The following RCAN1 variants were observed in gnomAD, a reference collection of about 807,000 sequenced individuals.
RCAN1 encodes the protein regulator of calcineurin 1.
In RCAN1, 11 loss-of-function variants were observed where a neutral mutation model predicts 22.9. The observed-to-expected ratio is 0.48, with a 90% CI of 0.30 to 0.79. The LOEUF is 0.79. Among genes scored for constraint, RCAN1 ranks in the 30% least tolerant of loss-of-function variants. The pLI is 0.06. For synonymous variants in RCAN1, 136 were observed against 142.3 expected (o/e 0.96, Z 0.32); for missense variants, 291 against 337.8 (o/e 0.86, Z 1.09).
chr21:34,595,873 T>C (rs2123717466), intron 1 of RCAN1, among the ~76,000 whole-genome samples: 1 of 152,272 alleles, frequency 6.6e-6, no homozygotes, highest in East Asian at 1.9e-4. Context: ...GGGTGGGACA[T>C]ACGTGTGAAA....
At chr21:34,586,175 A>G (rs1987787663) in intron 1 of RCAN1, among the ~76,000 whole-genome samples, 1 of 152,238 alleles carries the variant, frequency 6.6e-6, no homozygotes, top group South Asian at 2.1e-4. Context: ...AAACAATACG[A>G]ATAACAAACT....
At chr21:34,536,042 C>T (rs931332947) in intron 1 of RCAN1, among the ~76,000 whole-genome samples, 3 of 151,980 alleles carry the variant, frequency 2.0e-5, no homozygotes, top group South Asian at 2.1e-4. Flanking sequence ...ATTCCATGTG[C>T]GCTCAGAATT....
At chr21:34,546,496 G>A (rs895537101) in intron 1 of RCAN1, among the ~76,000 whole-genome samples, 2 of 151,628 alleles carry the variant, frequency 1.3e-5, no homozygotes, top group African/African-American at 4.9e-5. Context: ...CTGTTAACAC[G>A]TTGTTAACAG....
intron 1 of RCAN1, among the ~76,000 whole-genome samples, chr21:34,549,766 G>T (rs1986292901): frequency 6.6e-6 from 1 of 152,142 alleles, no homozygotes; most frequent in African/African-American, 2.4e-5. Context: ...GGGGGAAGTG[G>T]TTTGCCAACA....
At chr21:34,585,190 A>G (rs1009944167) in intron 1 of RCAN1, among the ~76,000 whole-genome samples, 8 of 152,226 alleles carry the variant, frequency 5.3e-5, no homozygotes, top group Non-Finnish European at 1.2e-4. Flanking sequence ...TATTTATAAC[A>G]TTAACAGCTC....
chr21:34,539,727 C>G (rs1363560788), intron 1 of RCAN1, among the ~76,000 whole-genome samples: 1 of 152,192 alleles, frequency 6.6e-6, no homozygotes, highest in Non-Finnish European at 1.5e-5. Context: ...AATATTTGCT[C>G]TGTATCTGTT....
chr21:34,552,698 A>G (rs773138495), intron 1 of RCAN1, among the ~76,000 whole-genome samples: 1 of 152,168 alleles, frequency 6.6e-6, no homozygotes, highest in Non-Finnish European at 1.5e-5. Context: ...TCATGCACAC[A>G]TAGACACATA....
At position 34,614,310 on chromosome 21, in the gene RCAN1, T is replaced by C. The variant is rs887611877; in HGVS notation, c.252+450A>G. 54 of 990,016 alleles carry C rather than the reference T, an allele frequency of 5.5e-5. No individual in the cohort carries two copies. Among genetic ancestry groups the C allele is most frequent in the Non-Finnish European group, 6.1e-5 (51 of 833,306 alleles). 61.3% of individuals were successfully genotyped at this position (990,016 alleles called of 1,614,324 possible). A position where few individuals can be genotyped will look rare whatever the true frequency, so the allele number is the denominator to read the frequency against. ...TTGGCTTTTCTTCCAATAGTGCAGA[T>C]TGGGAATGCAGGGACGTCGTCCTAT... On this transcript the variant is annotated intron_variant, in intron 1 of 3. Coordinates refer to ENST00000313806, the MANE Select transcript of RCAN1 (RefSeq NM_004414.7). The surrounding 1 kb of genome is among the most constrained non-coding windows in gnomAD (Gnocchi z 6.0).
chr21:34,521,438 C>T lies in RCAN1; in HGVS notation c.586+61G>A, dbSNP rs771494175. ...ACGGGGGTAGTGGTGGTACTGCTCC[C>T]TGGTGCAGGGCAGCAGCTGTGTCTC... On this transcript the variant is annotated intron_variant, in intron 3 of 3. Coordinates refer to ENST00000313806, the MANE Select transcript of RCAN1 (RefSeq NM_004414.7). 24 of 1,611,586 alleles carry T rather than the reference C, an allele frequency of 1.5e-5. No homozygotes were observed. The South Asian group carries it at 2.5e-4, about 17-fold the overall frequency.
intron 1 of RCAN1, among the ~76,000 whole-genome samples, chr21:34,546,219 T>C (rs1434699051): frequency 6.6e-6 from 1 of 152,220 alleles, no homozygotes; most frequent in Non-Finnish European, 1.5e-5. Context: ...GTTTATATTT[T>C]TGTGTTAAAA....
chr21:34,613,845 T>C (rs2123742484), intron 1 of RCAN1: 2 of 1,462,270 alleles, frequency 1.4e-6, no homozygotes, highest in Middle Eastern at 1.8e-4. Context: ...CTATAGTTCA[T>C]TGACAGCATT....
chr21:34,550,096 A>C (rs1351897004), intron 1 of RCAN1, among the ~76,000 whole-genome samples: 1 of 152,188 alleles, frequency 6.6e-6, no homozygotes, highest in Non-Finnish European at 1.5e-5. Context: ...TGTATTTCTA[A>C]AGAGGTTTTC....
intron 1 of RCAN1, among the ~76,000 whole-genome samples, chr21:34,544,386 T>C (rs1986049781): frequency 1.3e-5 from 2 of 151,974 alleles, no homozygotes; most frequent in South Asian, 4.2e-4. Context: ...GGAGCTAGAG[T>C]GGCCACGGGG....
intron 1 of RCAN1, among the ~76,000 whole-genome samples, chr21:34,588,069 T>C (rs922654703): frequency 6.6e-6 from 1 of 152,212 alleles, no homozygotes; most frequent in Non-Finnish European, 1.5e-5. Flanking sequence ...GTCACTATAA[T>C]TGTATGAGCC....
At position 34,609,476 on chromosome 21, in the gene RCAN1, C is replaced by T. The variant is rs942546872; in HGVS notation, c.252+5284G>A. On this transcript the variant is annotated intron_variant, in intron 1 of 3. Transcript: ENST00000313806. ...CAGGAGTGATGCGTTCTCAGACCTGCGCAAACAGGCCCTGCGGTGATATGT... is the reference window on the plus strand; with the variant it reads ...CAGGAGTGATGCGTTCTCAGACCTGTGCAAACAGGCCCTGCGGTGATATGT... 3.6e-4 allele frequency among the ~76,000 whole-genome samples: 55 copies of T among 152,122 alleles called. 1 individual carries two copies. Among genetic ancestry groups the T allele is most frequent in the Non-Finnish European group, 6.0e-4 (41 of 68,040 alleles).
chr21:34,569,471 T>C (rs2252721), intron 1 of RCAN1, among the ~76,000 whole-genome samples: 96,597 of 152,068 alleles, frequency 0.64, 31,026 homozygotes, highest in East Asian at 0.83. Context: ...TGATGTTTTA[T>C]GTGTTACCAT....
chr21:34,613,025 C>G (rs1439753991), intron 1 of RCAN1, among the ~76,000 whole-genome samples: 1 of 152,234 alleles, frequency 6.6e-6, no homozygotes, highest in Non-Finnish European at 1.5e-5. Flanking sequence ...CCACTGGATC[C>G]TAAGCTCCAT....
At chr21:34,532,470 G>A (rs1985444913) in intron 1 of RCAN1, among the ~76,000 whole-genome samples, 2 of 152,226 alleles carry the variant, frequency 1.3e-5, no homozygotes, top group African/African-American at 4.8e-5. Flanking sequence ...CCTATGTGAT[G>A]ACACCCTGGT....
In RCAN1 at chr21:34,563,774, T is replaced by A. The variant is rs1298481287; in HGVS notation, c.253-40064A>T. Among the ~76,000 whole-genome samples the A allele has an allele frequency of 1.3e-4, 11 of 83,816 alleles. No individual in the cohort carries two copies. In the South Asian group the frequency reaches 1.8e-3, roughly 14 times the overall value. The allele number at this position is 83,816 out of a possible 152,430, so 55.0% of individuals were successfully genotyped here. A position where few individuals can be genotyped will look rare whatever the true frequency, so the allele number is the denominator to read the frequency against. On this transcript the variant is annotated intron_variant, in intron 1 of 3. Transcript: ENST00000313806. ...AATACCAAAAAAAAAAAAAAAAATA[T>A]ATATATATATATATATATATAGAGA...
Sources: gnomAD v4.1 joint callset for allele counts (sites outside exome capture counted in the v4.1 genomes callset) on GRCh38, gnomAD v4.1.1 for gene constraint, Gnocchi (gnomAD v3.1) non-coding constraint, MANE v1.5 for transcripts, NCBI Gene and HGNC (gene_info 2026-07-23, HGNC 2026-07-21) for gene names.